RFT1: variants seen among roughly 807,000 people sequenced by gnomAD.
RFT1 encodes the protein RFT1 glycolipid translocator homolog.
Under a neutral mutation model 62.2 loss-of-function variants are expected in RFT1, and 43 were observed. The observed-to-expected ratio is 0.69, with a 90% confidence interval of 0.54 to 0.89. RFT1 has a LOEUF of 0.89. Ranked by LOEUF, RFT1 falls within the 40% of genes least tolerant of loss-of-function variation. The pLI is 0.00. For missense variants in RFT1, 605 were observed against 649.9 expected (o/e 0.93, Z 0.75); for synonymous variants, 262 against 264.6 (o/e 0.99, Z 0.10).
At position 53,117,050 on chromosome 3, in the gene RFT1, C is replaced by T. The variant is rs982226548; in HGVS notation, c.696+2834G>A. On this transcript the variant is annotated intron_variant, in intron 6 of 12. Transcript: ENST00000296292. ...GGTAAGCCACAGTCTAAAGCTAGTC[C>T]CCAGCAAAAGGTGGAGAGAAGTGGG... Among the ~76,000 whole-genome samples, 5 of 152,280 alleles carry T rather than the reference C, an allele frequency of 3.3e-5. 1 individual carries two copies. In the Middle Eastern group the frequency reaches 0.01, roughly 311 times the overall value.
At chr3:53,072,178 C>T in the RFT1 span, among the ~76,000 whole-genome samples, 1 of 152,166 alleles carries the variant, frequency 6.6e-6, no homozygotes, top group Non-Finnish European at 1.5e-5. Flanking sequence ...AGGGTCCCCA[C>T]ACACTCACAC....
chr3:53,109,604 G>T (rs1226434522), intron 7 of RFT1, among the ~76,000 whole-genome samples: 1 of 152,148 alleles, frequency 6.6e-6, no homozygotes, highest in Non-Finnish European at 1.5e-5. Context: ...GAGTCCAGGA[G>T]TTCAAGACCA....
chr3:53,086,184 G>C (rs538181270), downstream of RFT1, among the ~76,000 whole-genome samples: 1 of 152,104 alleles, frequency 6.6e-6, no homozygotes, highest in Non-Finnish European at 1.5e-5. Context: ...ATAATTTTTC[G>C]TCTGCATCTG....
rs1184893144 is a variant in RFT1, at chr3:53,092,162, C to CTAAGTCAGA, written c.1459-101_1459-93dup. 4.0e-5 allele frequency: 61 copies of CTAAGTCAGA among 1,527,374 alleles called. No homozygotes were observed. In the African/African-American group the frequency reaches 7.4e-4, roughly 18 times the overall value. 94.6% of individuals were successfully genotyped at this position (1,527,374 alleles called of 1,614,324 possible). ...GGGAAGACAGCTGTGGTTCCAGCTT[C>CTAAGTCAGA]TAAGTCAGATAAAAGGCATAACAGC... On this transcript the variant is annotated intron_variant, in intron 12 of 12. Coordinates refer to ENST00000296292, the MANE Select transcript of RFT1 (RefSeq NM_052859.4).
chr3:53,098,913 T>C (rs981628903), intron 11 of RFT1, among the ~76,000 whole-genome samples: 1 of 151,648 alleles, frequency 6.6e-6, no homozygotes, highest in African/African-American at 2.4e-5. Flanking sequence ...GATGTATGTG[T>C]GCACTTGGGC....
At chr3:53,113,579 TG>T (rs1435146451) in intron 6 of RFT1, among the ~76,000 whole-genome samples, 1 of 152,134 alleles carries the variant, frequency 6.6e-6, no homozygotes, top group Non-Finnish European at 1.5e-5. Context: ...CCAGTAGAAA[TG>T]TAATGTTAAA....
Position 53,121,711 on chromosome 3 carries a change from GA to G in RFT1, c.545del (p.Phe182SerfsTer40), listed in dbSNP as rs753344909. 1 of 1,613,250 alleles carries G rather than the reference GA, an allele frequency of 6.2e-7. No homozygotes were observed. Among genetic ancestry groups the G allele is most frequent in the Non-Finnish European group, 8.5e-7 (1 of 1,179,386 alleles). On this transcript the variant is annotated frameshift_variant, in exon 5 of 13. Coordinates refer to ENST00000296292, the MANE Select transcript of RFT1 (RefSeq NM_052859.4). LOFTEE classifies it high-confidence loss of function. Reference protein sequence around the residue: ...LWLPHWGLYIFSLAQLFYTTV... With the variant: ...LWLPHWGLYIXSLAQLFYTTV... ...CCATGATTCTTACCTGGGCCAAAGA[GA>G]AAATGTACAATCCCCAGTGAGGCAA...
the RFT1 span, among the ~76,000 whole-genome samples, chr3:53,081,016 C>A: frequency 4.6e-5 from 7 of 152,224 alleles, no homozygotes; most frequent in Non-Finnish European, 2.9e-5. Context: ...GGGGACAGAG[C>A]AGCCTAGGGG....
intron 6 of RFT1, 66 bp from the exon 7 acceptor site, chr3:53,111,974 C>T (rs1367227358): frequency 4.8e-6 from 6 of 1,257,200 alleles, no homozygotes; most frequent in Non-Finnish European, 6.9e-6. Flanking sequence ...TGCAATGCTA[C>T]ATGAGAGGCA....
the RFT1 span, among the ~76,000 whole-genome samples, chr3:53,067,008 C>T: frequency 6.6e-6 from 1 of 152,212 alleles, no homozygotes; most frequent in Admixed American, 6.5e-5. Flanking sequence ...ACAACTGTTA[C>T]ACAGGGCAGC....
At chr3:53,101,151 G>A (rs1314711047) in intron 10 of RFT1, among the ~76,000 whole-genome samples, 7 of 152,154 alleles carry the variant, frequency 4.6e-5, no homozygotes, top group African/African-American at 1.7e-4. Flanking sequence ...GGGCAGCCCC[G>A]ACGCTCAACA....
chr3:53,099,429 A>C lies in RFT1; in HGVS notation c.1160T>G (p.Val387Gly), dbSNP rs1265784603. Residue 387 changes from valine to glycine, a missense_variant, in exon 11 of 13, where the codon GTG becomes GGG. By Grantham distance (109) the Val-to-Gly change is moderately radical. Transcript: ENST00000296292. Reference protein sequence around the residue: ...LYVLLLAINGVTECFTFAAMS... With the variant: ...LYVLLLAINGGTECFTFAAMS... ...GGCAGCAAATGTGAAACACTCTGTC[A>C]CTCCATTGATGGCAAGCAGGAGAAC... is the stretch of plus-strand genomic sequence containing the variant. 2 of 1,614,152 alleles carry C rather than the reference A, an allele frequency of 1.2e-6. No homozygotes were observed. The highest frequency in any genetic ancestry group is 2.2e-5 in the South Asian group (2 of 91,086).
chr3:53,105,662 A>G lies in RFT1; in HGVS notation c.957+11T>C. 5.6e-6 allele frequency: 9 copies of G among 1,613,162 alleles called. No individual in the cohort carries two copies. Among genetic ancestry groups the G allele is most frequent in the Non-Finnish European group, 7.6e-6 (9 of 1,179,386 alleles). On this transcript the variant is annotated intron_variant, in intron 9 of 12. Coordinates refer to ENST00000296292, the MANE Select transcript of RFT1 (RefSeq NM_052859.4). The stretch of plus-strand genomic sequence containing the variant: ...AATTCACTTGAGAGATGACATAAGA[A>G]CCAACATTACCTGCTTCTGAAGTGT...
chr3:53,114,431 G>A (rs1296694157), intron 6 of RFT1, among the ~76,000 whole-genome samples: 2 of 152,136 alleles, frequency 1.3e-5, no homozygotes, highest in Non-Finnish European at 2.9e-5. Flanking sequence ...AATGCCTTTG[G>A]TTTAAATGGG....
At chr3:53,100,954 GA>G (rs1328998364) in intron 10 of RFT1, among the ~76,000 whole-genome samples, 8 of 140,026 alleles carry the variant, frequency 5.7e-5, no homozygotes, top group African/African-American at 8.0e-5. Context: ...TCAACAAAGG[GA>G]GAAAAAAAAC....
the RFT1 span, among the ~76,000 whole-genome samples, chr3:53,079,769 C>A: frequency 6.6e-6 from 1 of 152,180 alleles, no homozygotes; most frequent in East Asian, 1.9e-4. Context: ...CTGCTTCTGG[C>A]AGGAGAAACC....
At chr3:53,116,862 C>T (rs1039656150) in intron 6 of RFT1, among the ~76,000 whole-genome samples, 3 of 152,192 alleles carry the variant, frequency 2.0e-5, no homozygotes, top group African/African-American at 7.2e-5. Flanking sequence ...CTCAGCCTCC[C>T]AAAGTGCTGG....
chr3:53,081,604 C>A, the RFT1 span, among the ~76,000 whole-genome samples: 25 of 152,332 alleles, frequency 1.6e-4, 1 homozygote, highest in African/African-American at 5.5e-4. Context: ...GAGGCAAGAT[C>A]TCCTGCCCAT....
intron 11 of RFT1, among the ~76,000 whole-genome samples, chr3:53,098,098 C>G (rs534828304): frequency 6.6e-6 from 1 of 152,336 alleles, no homozygotes; most frequent in South Asian, 2.1e-4. Flanking sequence ...ATGTCTCAGT[C>G]ACACACACCT....
Sources: gnomAD v4.1 joint callset for allele counts (sites outside exome capture counted in the v4.1 genomes callset) on GRCh38, gnomAD v4.1.1 for gene constraint, MANE v1.5 for transcripts, NCBI Gene and HGNC (gene_info 2026-07-23, HGNC 2026-07-21) for gene names.